KNTC1: variants seen among roughly 807,000 people sequenced by gnomAD.
The protein encoded by KNTC1 is kinetochore associated 1, also known as kinetochore-associated protein 1.
KNTC1 carries 253 observed loss-of-function variants against 314.4 expected under a neutral mutation model. That is an observed-to-expected ratio of 0.80 (90% CI 0.73 to 0.89). The LOEUF (loss-of-function observed/expected upper bound fraction) is 0.89. KNTC1 is among the 40% of genes least tolerant of loss of function. The pLI, the probability that KNTC1 is intolerant of heterozygous loss-of-function variation, is 0.00. For missense variants in KNTC1, 2,475 were observed against 2,572.9 expected, an observed-to-expected ratio of 0.96 and a Z score of 0.82; for synonymous variants, 901 against 901.4, an observed-to-expected ratio of 1.00 and a Z score of 0.01.
At position 122,569,666 on chromosome 12, in the gene KNTC1, C is replaced by T. The variant is rs756640741; in HGVS notation, c.1717-15C>T. 1.9e-6 allele frequency: 3 copies of T among 1,598,656 alleles called. No individual in the cohort carries two copies. Among genetic ancestry groups the T allele is most frequent in the Non-Finnish European group, 8.5e-7 (1 of 1,172,954 alleles). ...AAATTTGTCAGATCTTAATTTCTCGCTCCTTATAATTTAGGCAAACTTTGA... is the reference window on the plus strand; with the variant it reads ...AAATTTGTCAGATCTTAATTTCTCGTTCCTTATAATTTAGGCAAACTTTGA... On this transcript the variant is annotated splice_polypyrimidine_tract_variant and intron_variant, in intron 21 of 63. Transcript: ENST00000333479.
chr12:122,554,906 G>A (rs534349954), intron 16 of KNTC1, among the ~76,000 whole-genome samples: 4 of 152,282 alleles, frequency 2.6e-5, no homozygotes, highest in African/African-American at 9.6e-5. Context: ...CTGGGTGGGC[G>A]TGGTGGTGTG....
intron 63 of KNTC1, 67 bp downstream of exon 63, chr12:122,624,755 G>A: frequency 1.8e-6 from 2 of 1,101,240 alleles, no homozygotes; most frequent in African/African-American, 1.5e-5. Flanking sequence ...CCTTAAAATT[G>A]ACAAGCCTTT....
At chr12:122,593,389 A>T (rs1381743597) in intron 42 of KNTC1, 1 of 148,880 alleles carries the variant, frequency 6.7e-6, no homozygotes, top group African/African-American at 2.5e-5. Flanking sequence ...TCAGCCTCCC[A>T]AGTAGCTGGG....
At chr12:122,609,613 G>A (rs1481331017) in intron 52 of KNTC1, among the ~76,000 whole-genome samples, 183 bp downstream of exon 52, 1 of 151,978 alleles carries the variant, frequency 6.6e-6, no homozygotes, top group Non-Finnish European at 1.5e-5. Flanking sequence ...ATCAGAGCCA[G>A]CCAAGATCTA....
rs1248124486 is a variant in KNTC1 at position 122,544,194 on chromosome 12, T to C, written c.594T>C (p.Thr198=). ...AAATCAAGTCCAGTTTTATTTCTAC[T>C]GAAAATTATCATACTCTTGGTTGTC... The part of the protein sequence containing the change: ...QGQIKSSFIS[T]ENYHTLGCLS... Residue 198 remains threonine, a synonymous_variant, in exon 8 of 64, where the codon ACT becomes ACC. Coordinates refer to ENST00000333479, the MANE Select transcript of KNTC1 (RefSeq NM_014708.6). The C allele has an allele frequency of 6.3e-7, 1 of 1,579,690 alleles. No homozygotes were observed. Among genetic ancestry groups the C allele is most frequent in the Admixed American group, 2.0e-5 (1 of 50,746 alleles).
chr12:122,534,532 TAG>T, intron 2 of KNTC1, 130 bp from the exon 3 acceptor site: 1 of 768,108 alleles, frequency 1.3e-6, no homozygotes, highest in Non-Finnish European at 2.1e-6. Flanking sequence ...ATTAATTAGA[TAG>T]AGGGGCTAAA....
intron 16 of KNTC1, among the ~76,000 whole-genome samples, 190 bp from the exon 17 acceptor site, chr12:122,557,194 T>C (rs1963658727): frequency 6.6e-6 from 1 of 152,172 alleles, no homozygotes; most frequent in Admixed American, 6.5e-5. Context: ...CAGAAATGGT[T>C]CCCATACCTG....
intron 18 of KNTC1, among the ~76,000 whole-genome samples, chr12:122,561,482 C>A (rs1257091510): frequency 6.6e-6 from 1 of 151,296 alleles, no homozygotes; most frequent in Non-Finnish European, 1.5e-5. Flanking sequence ...GAAACGGAGT[C>A]TCATTCTGTA....
intron 62 of KNTC1, among the ~76,000 whole-genome samples, chr12:122,622,936 G>A (rs1296725065): frequency 1.3e-5 from 2 of 150,654 alleles, no homozygotes; most frequent in Admixed American, 6.6e-5. Flanking sequence ...CAACAGGAGC[G>A]AAACTCTGTC....
chr12:122,564,948 C>A (rs1482613808), intron 20 of KNTC1, among the ~76,000 whole-genome samples: 1 of 152,080 alleles, frequency 6.6e-6, no homozygotes, highest in Non-Finnish European at 1.5e-5. Flanking sequence ...TCTGTGGATT[C>A]AATTTCTGGA....
chr12:122,570,047 C>T (rs1033398848), intron 22 of KNTC1, among the ~76,000 whole-genome samples: 2 of 152,008 alleles, frequency 1.3e-5, no homozygotes, highest in Admixed American at 6.6e-5. Context: ...TGAAATAAGC[C>T]AGGCATGGAA....
intron 15 of KNTC1, 46 bp from the exon 16 acceptor site, chr12:122,551,575 C>T: frequency 6.2e-7 from 1 of 1,600,392 alleles, no homozygotes; most frequent in Non-Finnish European, 8.6e-7. Context: ...AACTTAAATT[C>T]CCTGAATAAT....
chr12:122,586,975 G>A (rs561414505), intron 38 of KNTC1, among the ~76,000 whole-genome samples: 32 of 151,404 alleles, frequency 2.1e-4, no homozygotes, highest in South Asian at 4.2e-4. Flanking sequence ...CCACCACGCC[G>A]AGCTAGTTCT....
At chr12:122,557,823 GC>G (rs2137821046) in intron 18 of KNTC1, 134 bp downstream of exon 18, 1 of 629,478 alleles carries the variant, frequency 1.6e-6, no homozygotes, top group East Asian at 2.7e-5. Context: ...TTTTATAATA[GC>G]TTAATGGAGA....
At chr12:122,563,134 AGTTT>A (rs1414108832) in intron 20 of KNTC1, among the ~76,000 whole-genome samples, 66 of 152,206 alleles carry the variant, frequency 4.3e-4, no homozygotes, top group African/African-American at 1.3e-3. Flanking sequence ...AGAAAATACT[AGTTT>A]TTCAGCAACA....
intron 57 of KNTC1, among the ~76,000 whole-genome samples, chr12:122,616,560 C>G (rs989797154): frequency 6.6e-6 from 1 of 152,118 alleles, no homozygotes; most frequent in South Asian, 2.1e-4. Flanking sequence ...CGCACCCGGC[C>G]GAGATTTCCT....
intron 13 of KNTC1, among the ~76,000 whole-genome samples, chr12:122,550,763 A>G (rs531517800): frequency 5.9e-5 from 9 of 152,254 alleles, no homozygotes; most frequent in Admixed American, 2.0e-4. Context: ...TCACCTCCCC[A>G]AATTGTTAAT....
In KNTC1 at chr12:122,569,753, T is replaced by C. The variant is rs1964571698; in HGVS notation, c.1789T>C (p.Leu597=). 1 of 1,613,730 alleles carries C rather than the reference T, an allele frequency of 6.2e-7. No individual in the cohort carries two copies. Residue 597 remains leucine (L), a synonymous_variant, in exon 22 of 64, where the codon TTG becomes CTG. Transcript: ENST00000333479. The stretch of plus-strand genomic sequence containing the variant: ...CAACTCAATGTCTGCATCAGTCTCT[T>C]TGCAAAAGCTGTGTCCATGGTTTAA... ...LLNSMSASVS[L]QKLCPWFKND... is the part of the protein sequence containing the mutation.
intron 63 of KNTC1, 45 bp downstream of exon 63, chr12:122,624,733 A>G (rs1593704206): frequency 2.9e-6 from 4 of 1,368,032 alleles, no homozygotes; most frequent in Non-Finnish European, 4.2e-6. Context: ...GACATTGTTT[A>G]TATTCCTAGG....
Sources: gnomAD v4.1 joint callset for allele counts (sites outside exome capture counted in the v4.1 genomes callset) on GRCh38, gnomAD v4.1.1 for gene constraint, MANE v1.5 for transcripts, NCBI Gene and HGNC (gene_info 2026-07-23, HGNC 2026-07-21) for gene names.